The following RBP2 variants were observed in gnomAD, a reference collection of about 807,000 sequenced individuals.
RBP2 encodes retinol binding protein 2, also known as retinol-binding protein 2.
A neutral mutation model predicts 17.0 loss-of-function variants in RBP2; 17 were observed. The ratio of observed to expected loss-of-function variants is 1.00; its 90% confidence interval spans 0.68 to 1.50. The LOEUF (loss-of-function observed/expected upper bound fraction) is 1.50. Ranked by LOEUF, RBP2 falls within the 40% of genes most tolerant of loss-of-function variation. The probability of loss-of-function intolerance (pLI) is 0.00; values close to 1 mark genes in which losing one functional copy is unlikely to be tolerated. For missense variants in RBP2, 158 were observed against 168.2 expected (o/e 0.94, Z 0.33); for synonymous variants, 48 against 57.1 (o/e 0.84, Z 0.72).
chr3:139,462,031 A>G (rs1933206455), intron 2 of RBP2, 81 bp downstream of exon 2: 4 of 1,341,678 alleles, frequency 3.0e-6, no homozygotes, highest in Non-Finnish European at 4.1e-6. Context: ...TGTTTCTAAT[A>G]TTTTTTTTTT....
At chr3:139,466,086 G>C (rs1247638539) in intron 1 of RBP2, among the ~76,000 whole-genome samples, 2 of 152,198 alleles carry the variant, frequency 1.3e-5, no homozygotes, top group Non-Finnish European at 2.9e-5. Flanking sequence ...AAGTTTGGGA[G>C]ATGAGGAATT....
chr3:139,469,636 A>G (rs561985453), intron 1 of RBP2, among the ~76,000 whole-genome samples: 4 of 152,134 alleles, frequency 2.6e-5, no homozygotes, highest in African/African-American at 9.6e-5. Context: ...TTATGAAACA[A>G]ATTCTTAATT....
chr3:139,463,009 T>A (rs1933243921), intron 1 of RBP2, among the ~76,000 whole-genome samples: 1 of 150,554 alleles, frequency 6.6e-6, no homozygotes, highest in African/African-American at 2.4e-5. Flanking sequence ...AATTTTCGTA[T>A]TTTTTGTAGA....
chr3:139,474,858 A>G (rs1447959923), intron 1 of RBP2, among the ~76,000 whole-genome samples: 1 of 152,026 alleles, frequency 6.6e-6, no homozygotes, highest in Non-Finnish European at 1.5e-5. Flanking sequence ...TCAGAATCCC[A>G]TTTCTATTGG....
At chr3:139,468,445 A>C (rs770198571) in intron 1 of RBP2, among the ~76,000 whole-genome samples, 6 of 152,182 alleles carry the variant, frequency 3.9e-5, no homozygotes, top group Non-Finnish European at 7.3e-5. Flanking sequence ...TGCCGGGGGA[A>C]TCTTATTAGA....
intron 1 of RBP2, among the ~76,000 whole-genome samples, chr3:139,463,228 C>T (rs1371081589): frequency 6.6e-6 from 1 of 151,796 alleles, no homozygotes; most frequent in Non-Finnish European, 1.5e-5. Context: ...GCTCTGTTGC[C>T]CAGACTGGAG....
intron 2 of RBP2, 105 bp downstream of exon 2, chr3:139,462,007 G>T: frequency 1.6e-6 from 2 of 1,273,906 alleles, no homozygotes; most frequent in South Asian, 1.5e-5. Flanking sequence ...CTCCTTTCCT[G>T]ATTTTTCCCA....
At chr3:139,470,376 C>T (rs1933522900) in intron 1 of RBP2, among the ~76,000 whole-genome samples, 1 of 152,054 alleles carries the variant, frequency 6.6e-6, no homozygotes, top group African/African-American at 2.4e-5. Context: ...TTCTCCAGCT[C>T]CACAGGCACT....
intron 1 of RBP2, among the ~76,000 whole-genome samples, chr3:139,470,075 A>T (rs1448745357): frequency 6.6e-6 from 1 of 152,152 alleles, no homozygotes; most frequent in Non-Finnish European, 1.5e-5. Flanking sequence ...TATATCCCAT[A>T]TCAAAGTGCC....
At chr3:139,475,223 G>A in intron 1 of RBP2, among the ~76,000 whole-genome samples, 1 of 151,156 alleles carries the variant, frequency 6.6e-6, no homozygotes. Flanking sequence ...TGGAGGCTGA[G>A]GCAGGAGAAT....
At position 139,462,194 on chromosome 3, in the gene RBP2, G is replaced by A. The variant is rs1181736858; in HGVS notation, c.170C>T (p.Thr57Ile). The change falls in exon 2 of 4, where the codon ACA becomes ATA. Residue 57 changes from threonine (T) to isoleucine (I), a missense_variant. Thr to Ile is a moderately conservative substitution (Grantham distance 89). Transcript: ENST00000232217. ...GDNFKTKTTS[T>I]FRNYDVDFTV... ...GAAATCCACATCATAGTTGCGGAAT[G>A]TGCTAGTGGTTTTTGTCTTGAAGTT... 7.4e-6 allele frequency: 12 copies of A among 1,614,122 alleles called. No homozygotes were observed. The highest frequency in any genetic ancestry group is 1.0e-5 in the Non-Finnish European group (12 of 1,180,014).
chr3:139,459,404 G>GTGTA (rs1401829638), intron 2 of RBP2, among the ~76,000 whole-genome samples: 7 of 105,574 alleles, frequency 6.6e-5, no homozygotes, highest in Non-Finnish European at 1.2e-4. Context: ...ATATATATGT[G>GTGTA]TGTGTGTGTG....
intron 2 of RBP2, 65 bp from the exon 3 acceptor site, chr3:139,454,895 T>C: frequency 1.4e-6 from 2 of 1,472,722 alleles, no homozygotes; most frequent in South Asian, 1.1e-5. Flanking sequence ...AATCTAAACC[T>C]GCAGCTGCAA....
chr3:139,456,779 T>C (rs1051500771), intron 2 of RBP2, among the ~76,000 whole-genome samples: 1 of 152,182 alleles, frequency 6.6e-6, no homozygotes, highest in African/African-American at 2.4e-5. Flanking sequence ...CAAAGCTAAT[T>C]TGAAAATAAA....
At chr3:139,467,167 G>T (rs756990601) in intron 1 of RBP2, among the ~76,000 whole-genome samples, 4 of 152,132 alleles carry the variant, frequency 2.6e-5, no homozygotes, top group Non-Finnish European at 5.9e-5. Flanking sequence ...AAGTACTATG[G>T]ATTAGCTAAT....
intron 1 of RBP2, among the ~76,000 whole-genome samples, chr3:139,469,035 G>A (rs3772876): frequency 0.083 from 12,654 of 152,158 alleles, 581 homozygotes; most frequent in Middle Eastern, 0.16. Context: ...TTTGTAATGT[G>A]CTTATGAAAA....
At chr3:139,459,400 ATGTGTGTGTG>A (rs57107462) in intron 2 of RBP2, among the ~76,000 whole-genome samples, 8 of 128,550 alleles carry the variant, frequency 6.2e-5, no homozygotes, top group Non-Finnish European at 1.3e-4. Flanking sequence ...TACTATATAT[ATGTGTGTGTG>A]TGTGTGTGTG....
Position 139,456,947 on chromosome 3 carries a change from T to C in RBP2, c.253-2117A>G, listed in dbSNP as rs553500315. ...TGGAATAATAATTTGCTCTTTCTTATCATGAGCTTTGGACTCTGAGTTTTC... is the reference window on the plus strand; with the variant it reads ...TGGAATAATAATTTGCTCTTTCTTACCATGAGCTTTGGACTCTGAGTTTTC... On this transcript the variant is annotated intron_variant, in intron 2 of 3. Coordinates refer to ENST00000232217, the MANE Select transcript of RBP2 (RefSeq NM_004164.3). Among the ~76,000 whole-genome samples the C allele has an allele frequency of 3.3e-5, 5 of 152,304 alleles. No individual in the cohort carries two copies. In the East Asian group the frequency reaches 9.7e-4, roughly 29 times the overall value.
At chr3:139,454,134 C>T (rs1202589309) in intron 3 of RBP2, among the ~76,000 whole-genome samples, 2 of 152,190 alleles carry the variant, frequency 1.3e-5, no homozygotes, top group Non-Finnish European at 2.9e-5. Context: ...CATTTGAATG[C>T]TGAACCCATG....
Sources: gnomAD v4.1 joint callset for allele counts (sites outside exome capture counted in the v4.1 genomes callset) on GRCh38, gnomAD v4.1.1 for gene constraint, MANE v1.5 for transcripts, NCBI Gene and HGNC (gene_info 2026-07-23, HGNC 2026-07-21) for gene names.